Variants in IMMP2L observed in about 807,000 individuals in gnomAD.
The protein encoded by IMMP2L is inner mitochondrial membrane peptidase subunit 2, also known as mitochondrial inner membrane protease subunit 2.
Under a neutral mutation model 19.3 loss-of-function variants are expected in IMMP2L, and 18 were observed. That is an observed-to-expected ratio of 0.93 (90% CI 0.64 to 1.38). IMMP2L has a LOEUF of 1.38. Ranked by LOEUF, IMMP2L falls within the 40% of genes most tolerant of loss-of-function variation. IMMP2L has a pLI of 0.00. For missense variants in IMMP2L, 233 were observed against 218.2 expected, an observed-to-expected ratio of 1.07 and a Z score of -0.43; for synonymous variants, 76 against 73.0, an observed-to-expected ratio of 1.04 and a Z score of -0.21.
chr7:110,987,238 A>G (rs1014165792), intron 3 of IMMP2L, among the ~76,000 whole-genome samples: 1 of 152,210 alleles, frequency 6.6e-6, no homozygotes, highest in African/African-American at 2.4e-5. Flanking sequence ...GAAGAAAATA[A>G]TAGTTGAATT....
At chr7:111,251,544 C>G (rs1027317930) in intron 3 of IMMP2L, among the ~76,000 whole-genome samples, 2 of 152,114 alleles carry the variant, frequency 1.3e-5, no homozygotes, top group East Asian at 3.9e-4. Context: ...AAATGTGGTA[C>G]ATGGAATACT....
intron 5 of IMMP2L, among the ~76,000 whole-genome samples, chr7:110,778,226 G>A (rs776066348): frequency 1.3e-5 from 2 of 151,658 alleles, no homozygotes; most frequent in Admixed American, 1.3e-4. Flanking sequence ...TATCTAATAA[G>A]AAAAACAGAC....
intron 3 of IMMP2L, among the ~76,000 whole-genome samples, chr7:111,062,236 G>A (rs1182489882): frequency 6.6e-6 from 1 of 152,316 alleles, no homozygotes; most frequent in East Asian, 1.9e-4. Flanking sequence ...AAGGTGAAAG[G>A]CATGTCTCAC....
intron 3 of IMMP2L, among the ~76,000 whole-genome samples, chr7:111,002,802 C>T (rs1194235761): frequency 1.3e-5 from 2 of 152,108 alleles, no homozygotes; most frequent in Non-Finnish European, 2.9e-5. Context: ...TTAAGTCACT[C>T]GAAAGCAAGA....
chr7:111,353,534 C>T (rs1828394626), intron 3 of IMMP2L, among the ~76,000 whole-genome samples: 2 of 152,106 alleles, frequency 1.3e-5, no homozygotes, highest in South Asian at 4.1e-4. Flanking sequence ...AATACACTAT[C>T]TTGTGTGTCA....
At chr7:111,139,874 C>A (rs1802705705) in intron 3 of IMMP2L, among the ~76,000 whole-genome samples, 1 of 152,132 alleles carries the variant, frequency 6.6e-6, no homozygotes, top group African/African-American at 2.4e-5. Flanking sequence ...ATAATTCTTT[C>A]TCTGACAAGA....
chr7:111,352,475 C>T (rs1246190566), intron 3 of IMMP2L, among the ~76,000 whole-genome samples: 2 of 150,214 alleles, frequency 1.3e-5, no homozygotes, highest in Non-Finnish European at 2.9e-5. Context: ...TTCTAAAGTA[C>T]TGAGATTATA....
intron 3 of IMMP2L, among the ~76,000 whole-genome samples, chr7:111,403,263 ACTCTCT>A (rs368442127): frequency 6.9e-6 from 1 of 145,488 alleles, no homozygotes; most frequent in African/African-American, 2.5e-5. Context: ...CTCCCCCCTC[ACTCTCT>A]CTCTCTCTCT....
At chr7:110,700,291 A>C (rs1250952028) in intron 5 of IMMP2L, among the ~76,000 whole-genome samples, 3 of 152,072 alleles carry the variant, frequency 2.0e-5, no homozygotes, top group Non-Finnish European at 4.4e-5. Flanking sequence ...TTTTTCACTT[A>C]ATTGAAGCCA....
At chr7:111,276,656 A>G (rs1819100701) in intron 3 of IMMP2L, among the ~76,000 whole-genome samples, 1 of 151,470 alleles carries the variant, frequency 6.6e-6, no homozygotes, top group Admixed American at 6.6e-5. Context: ...AAAAAAAAAA[A>G]GCCAAAGTAA....
At chr7:111,266,020 G>T (rs1422735289) in intron 3 of IMMP2L, among the ~76,000 whole-genome samples, 1 of 152,086 alleles carries the variant, frequency 6.6e-6, no homozygotes, top group Non-Finnish European at 1.5e-5. Flanking sequence ...TTTTAGAGTT[G>T]ATTTTTGAAA....
rs188384867 is a variant in IMMP2L, at chr7:111,523,289, C to T, written c.-2-1840G>A. Among the ~76,000 whole-genome samples the T allele has an allele frequency of 5.7e-4, 86 of 152,012 alleles. 2 individuals carry two copies. Among genetic ancestry groups the T allele is most frequent in the African/African-American group, 1.9e-3 (79 of 41,498 alleles). ...GAGTGGATGTTATATGCTCTTACCA[C>T]AAAAATGATAAATATGTTAGGTAAT... On this transcript the variant is annotated intron_variant, in intron 1 of 5. Coordinates refer to ENST00000405709, the MANE Select transcript of IMMP2L (RefSeq NM_032549.4).
At chr7:111,150,809 G>C (rs148884758) in intron 3 of IMMP2L, among the ~76,000 whole-genome samples, 153 of 152,074 alleles carry the variant, frequency 1.0e-3, no homozygotes, top group African/African-American at 3.6e-3. Flanking sequence ...AATCTTTTTT[G>C]AGATTAATTT....
In IMMP2L at chr7:111,539,186, AGGAAGGAG is replaced by A. The variant is rs772604184; in HGVS notation, c.-2-17745_-2-17738del. On this transcript the variant is annotated intron_variant, in intron 1 of 5. Coordinates refer to ENST00000405709, the MANE Select transcript of IMMP2L (RefSeq NM_032549.4). ...AAGGAAGGAAGGAAGGAAGGAAGGA[AGGAAGGAG>A]GGAGAAAGAAAGAAAGAAAGAAAGA... Among the ~76,000 whole-genome samples, 580 of 68,134 alleles carry A rather than the reference AGGAAGGAG, an allele frequency of 8.5e-3. 32 individuals are homozygous for A. Among genetic ancestry groups the A allele is most frequent in the Middle Eastern group, 0.029 (5 of 170 alleles). 44.7% of individuals were successfully genotyped at this position (68,134 alleles called of 152,430 possible).
chr7:111,510,362 G>A (rs923170209), intron 2 of IMMP2L, among the ~76,000 whole-genome samples: 1 of 151,982 alleles, frequency 6.6e-6, no homozygotes, highest in Non-Finnish European at 1.5e-5. Context: ...ATCCTCTGCT[G>A]TATTGTATTA....
chr7:110,844,823 A>G (rs139846929), intron 5 of IMMP2L, among the ~76,000 whole-genome samples: 120 of 152,042 alleles, frequency 7.9e-4, no homozygotes, highest in African/African-American at 2.7e-3. Flanking sequence ...CCCACAACCA[A>G]CTATGGCCAG....
intron 5 of IMMP2L, among the ~76,000 whole-genome samples, chr7:110,684,269 A>T (rs2130476164): frequency 6.6e-6 from 1 of 152,222 alleles, no homozygotes; most frequent in African/African-American, 2.4e-5. Flanking sequence ...TTCCTAAAGT[A>T]GACTGAACAG....
intron 3 of IMMP2L, among the ~76,000 whole-genome samples, chr7:111,364,035 C>T (rs1157981788): frequency 1.3e-5 from 2 of 152,006 alleles, no homozygotes; most frequent in Non-Finnish European, 2.9e-5. Context: ...CCTTTATACA[C>T]ATACAATGGG....
At chr7:111,273,533 A>G (rs1818701897) in intron 3 of IMMP2L, among the ~76,000 whole-genome samples, 1 of 152,164 alleles carries the variant, frequency 6.6e-6, no homozygotes, top group Admixed American at 6.5e-5. Context: ...TTATCCTGCC[A>G]TGGGTATGGG....
Sources: allele counts gnomAD v4.1 joint callset (sites outside exome capture counted in the v4.1 genomes callset), GRCh38; gene constraint gnomAD v4.1.1; transcripts MANE v1.5; gene names NCBI Gene and HGNC (gene_info 2026-07-23, HGNC 2026-07-21).